The following SHOC1 variants were observed in gnomAD, a reference collection of about 807,000 sequenced individuals.
SHOC1 encodes shortage in chiasmata 1.
In SHOC1, 136 loss-of-function variants were observed where a neutral mutation model predicts 179.2. The observed-to-expected ratio is 0.76, with a 90% CI of 0.66 to 0.87. SHOC1 has a LOEUF of 0.87. Ranked by LOEUF, SHOC1 falls within the 40% of genes least tolerant of loss-of-function variation. The pLI, the probability that SHOC1 is intolerant of heterozygous loss-of-function variation, is 0.00. For missense variants in SHOC1, 1,538 were observed against 1,700.8 expected (o/e 0.90, Z 1.68); for synonymous variants, 489 against 586.6 (o/e 0.83, Z 2.41).
At chr9:111,705,875 CA>C (rs757836663) in intron 20 of SHOC1, among the ~76,000 whole-genome samples, 18 of 152,022 alleles carry the variant, frequency 1.2e-4, no homozygotes, top group Non-Finnish European at 2.1e-4. Flanking sequence ...AAGATATACA[CA>C]GGTAATTTAT....
chr9:111,724,141 G>A (rs1353423291), intron 13 of SHOC1, among the ~76,000 whole-genome samples: 1 of 152,102 alleles, frequency 6.6e-6, no homozygotes. Flanking sequence ...TTTGAACTCA[G>A]TTCTGACTCA....
chr9:111,690,384 A>G (rs980427286), intron 27 of SHOC1, among the ~76,000 whole-genome samples: 1 of 152,208 alleles, frequency 6.6e-6, no homozygotes, highest in Non-Finnish European at 1.5e-5. Context: ...CAATCATGCC[A>G]CTGCACTCCA....
intron 8 of SHOC1, among the ~76,000 whole-genome samples, chr9:111,754,864 A>T (rs938096411): frequency 2.0e-5 from 3 of 152,224 alleles, no homozygotes; most frequent in Non-Finnish European, 2.9e-5. Context: ...ATATTATATG[A>T]TTCCTTTTTT....
At position 111,712,247 on chromosome 9, in the gene SHOC1, T is replaced by C. The variant is rs149396046; in HGVS notation, c.2488+853A>G. 2.2e-3 allele frequency among the ~76,000 whole-genome samples: 341 copies of C among 152,272 alleles called. 2 individuals carry two copies. The highest frequency in any genetic ancestry group is 7.5e-3 in the African/African-American group (311 of 41,574). On this transcript the variant is annotated intron_variant, in intron 18 of 27. Coordinates refer to ENST00000682961, the MANE Select transcript of SHOC1 (RefSeq NM_001378211.1). Reference sequence around the variant, plus strand: ...TCACATTAGAAACATTAAAGACACCTAGAATAATGACAGGACTAGAAGTGT... The same window carrying C: ...TCACATTAGAAACATTAAAGACACCCAGAATAATGACAGGACTAGAAGTGT...
At chr9:111,705,751 A>G (rs886672141) in intron 20 of SHOC1, among the ~76,000 whole-genome samples, 2 of 152,116 alleles carry the variant, frequency 1.3e-5, no homozygotes, top group Non-Finnish European at 2.9e-5. Flanking sequence ...CATGTGCTGT[A>G]TTAAATATAT....
Position 111,715,101 on chromosome 9 carries a change from A to C in SHOC1, c.2237-478T>G, listed in dbSNP as rs567762023. On this transcript the variant is annotated intron_variant, in intron 16 of 27. Transcript: ENST00000682961. ...CATATTTAATTCATATGGCTGCTAA[A>C]ACAGCAGTGCCTCATTCAGGCTCAC... Among the ~76,000 whole-genome samples the C allele has an allele frequency of 7.9e-5, 12 of 152,316 alleles. No homozygotes were observed. The East Asian group carries it at 1.7e-3, about 22-fold the overall frequency.
intron 12 of SHOC1, among the ~76,000 whole-genome samples, chr9:111,737,099 T>C (rs887843794): frequency 7.2e-5 from 11 of 152,182 alleles, no homozygotes; most frequent in Admixed American, 1.3e-4. Context: ...AGAATACTTA[T>C]ACACTCTGGG....
In SHOC1 at chr9:111,727,879, G is replaced by GT. The variant is rs1564129564; in HGVS notation, c.1587dup (p.Pro530ThrfsTer4). The stretch of plus-strand genomic sequence containing the variant: ...TTTACTGGTTCTTGGTCATTCTTTG[G>GT]TTTTTCTTCTTTTGCTGCTCCTTTA... On this transcript the variant is annotated frameshift_variant, in exon 13 of 28. Transcript: ENST00000682961. LOFTEE classifies it high-confidence loss of function. 1 of 1,612,482 alleles carries GT rather than the reference G, an allele frequency of 6.2e-7. No individual in the cohort carries two copies. The highest frequency in any genetic ancestry group is 8.5e-7 in the Non-Finnish European group (1 of 1,179,444).
chr9:111,736,129 G>T (rs923001452), intron 12 of SHOC1, among the ~76,000 whole-genome samples: 10 of 152,286 alleles, frequency 6.6e-5, no homozygotes, highest in African/African-American at 2.2e-4. Context: ...TAGTTAAAAT[G>T]ACCAGACTGC....
chr9:111,734,814 T>TG (rs1554716340), intron 12 of SHOC1, among the ~76,000 whole-genome samples: 3 of 151,612 alleles, frequency 2.0e-5, no homozygotes, highest in African/African-American at 7.3e-5. Context: ...TTTTTGTGAT[T>TG]AAAATATAAT....
chr9:111,791,387 T>A lies in SHOC1; in HGVS notation c.32A>T (p.Asp11Val). 1 of 1,478,228 alleles carries A rather than the reference T, an allele frequency of 6.8e-7. No homozygotes were observed. Among genetic ancestry groups the A allele is most frequent in the South Asian group, 1.5e-5 (1 of 68,816 alleles). The allele number at this position is 1,478,228 out of a possible 1,614,324, so 91.6% of individuals were successfully genotyped here. The change falls in exon 2 of 28, where the codon GAC (aspartate) becomes GTC (valine). Residue 11 changes from aspartate to valine, a missense_variant. By Grantham distance (152) the Asp-to-Val change is radical (BLOSUM62 -3). Transcript: ENST00000682961. MFSALKYHAI[D>V]YLYENVVRKK... ...CTAACACTCTACCTCATATAAATAG[T>A]CTATTGCATGATATTTCAATGCTGA... is the stretch of plus-strand genomic sequence containing the variant.
chr9:111,710,466 A>G (rs1393369781), intron 18 of SHOC1, among the ~76,000 whole-genome samples: 1 of 152,154 alleles, frequency 6.6e-6, no homozygotes, highest in Non-Finnish European at 1.5e-5. Context: ...AGTGTGTACT[A>G]CGTATATAGA....
At chr9:111,758,581 T>G in intron 6 of SHOC1, 114 bp downstream of exon 6, 1 of 1,004,746 alleles carries the variant, frequency 1.0e-6, no homozygotes, top group Non-Finnish European at 1.4e-6. Flanking sequence ...AGAGCAAGAC[T>G]CATCTCAAAA....
At chr9:111,777,992 T>G (rs1020821977) in intron 4 of SHOC1, among the ~76,000 whole-genome samples, 1 of 152,242 alleles carries the variant, frequency 6.6e-6, no homozygotes, top group African/African-American at 2.4e-5. Flanking sequence ...CTGAACTTAG[T>G]GCTTACATAG....
intron 8 of SHOC1, among the ~76,000 whole-genome samples, chr9:111,749,854 T>C (rs1332630338): frequency 6.6e-6 from 1 of 152,226 alleles, no homozygotes; most frequent in East Asian, 1.9e-4. Context: ...GGACATAATC[T>C]CATTCCTTTT....
chr9:111,769,850 T>TA (rs1471592376), intron 5 of SHOC1, among the ~76,000 whole-genome samples: 1 of 152,214 alleles, frequency 6.6e-6, no homozygotes, highest in Non-Finnish European at 1.5e-5. Context: ...TATTTGTTCA[T>TA]AATACTTGCT....
chr9:111,700,491 C>G (rs940720212), intron 23 of SHOC1, among the ~76,000 whole-genome samples: 1 of 152,192 alleles, frequency 6.6e-6, no homozygotes, highest in Non-Finnish European at 1.5e-5. Context: ...TCTGTGGTTA[C>G]TAAGCAGGTC....
At chr9:111,691,154 T>C in intron 27 of SHOC1, among the ~76,000 whole-genome samples, 1 of 152,202 alleles carries the variant, frequency 6.6e-6, no homozygotes. Flanking sequence ...AATAATCCAA[T>C]AAAGCACTTA....
intron 27 of SHOC1, among the ~76,000 whole-genome samples, chr9:111,689,348 AATT>A (rs59839154): frequency 6.1e-5 from 9 of 146,558 alleles, no homozygotes; most frequent in African/African-American, 1.3e-4. Context: ...TAATAATAAT[AATT>A]ATTATTATTA....
Sources: gnomAD v4.1 joint callset for allele counts (sites outside exome capture counted in the v4.1 genomes callset) on GRCh38, gnomAD v4.1.1 for gene constraint, MANE v1.5 for transcripts, NCBI Gene and HGNC (gene_info 2026-07-23, HGNC 2026-07-21) for gene names.